The following SFXN1 variants were observed in gnomAD, a reference collection of about 807,000 sequenced individuals.
SFXN1 encodes sideroflexin-1.
In SFXN1, 32 loss-of-function variants were observed where a neutral mutation model predicts 39.5. The ratio of observed to expected loss-of-function variants is 0.81; its 90% CI spans 0.61 to 1.09. SFXN1 has a LOEUF of 1.09. Ranked by LOEUF, SFXN1 falls within the 50% of genes least tolerant of loss-of-function variation. The probability of loss-of-function intolerance (pLI) is 0.00; values close to 1 mark genes in which losing one functional copy is unlikely to be tolerated. For missense variants in SFXN1, 402 were observed against 407.1 expected, an observed-to-expected ratio of 0.99 and a Z score of 0.11; for synonymous variants, 136 against 146.5, an observed-to-expected ratio of 0.93 and a Z score of 0.52.
chr5:175,494,560 C>T (rs1759784521), intron 2 of SFXN1, among the ~76,000 whole-genome samples: 1 of 151,796 alleles, frequency 6.6e-6, no homozygotes, highest in Non-Finnish European at 1.5e-5. Flanking sequence ...CCAGCCTGGC[C>T]GACATGGTAA....
chr5:175,479,780 C>T lies in SFXN1; in HGVS notation c.-10+1141C>T, dbSNP rs73339404. ...GCTCCGTAGGCAACTCTTTTCTGCG[C>T]CCCCATAGCTTTTTCCCTGCACATT... On this transcript the variant is annotated intron_variant, in intron 1 of 10. Transcript: ENST00000321442. Among the ~76,000 whole-genome samples the T allele has an allele frequency of 2.2e-3, 334 of 152,282 alleles. 1 individual carries two copies. The highest frequency in any genetic ancestry group is 7.7e-3 in the African/African-American group (318 of 41,556).
intron 2 of SFXN1, among the ~76,000 whole-genome samples, chr5:175,500,937 A>T (rs1760052447): frequency 6.6e-6 from 1 of 152,198 alleles, no homozygotes; most frequent in East Asian, 1.9e-4. Context: ...ATGGATCTTG[A>T]TGCTTAACTC....
intron 1 of SFXN1, among the ~76,000 whole-genome samples, chr5:175,485,218 T>G (rs1759405821): frequency 1.3e-5 from 2 of 152,268 alleles, no homozygotes. Context: ...AAATCCCTTT[T>G]AAGTAGAGGA....
At chr5:175,495,767 C>T (rs67027347) in intron 2 of SFXN1, among the ~76,000 whole-genome samples, 28,326 of 150,200 alleles carry the variant, frequency 0.19, 2,922 homozygotes, top group South Asian at 0.35. Flanking sequence ...TTTTATGTTA[C>T]GAATCTTTTA....
intron 6 of SFXN1, 21 bp downstream of exon 6, chr5:175,512,217 TA>T: frequency 6.3e-7 from 1 of 1,599,532 alleles, no homozygotes; most frequent in Non-Finnish European, 8.6e-7. Flanking sequence ...TATGCACTCT[TA>T]GTAGGGACAT....
intron 4 of SFXN1, 62 bp from the exon 5 acceptor site, chr5:175,511,389 T>C: frequency 8.4e-7 from 1 of 1,196,334 alleles, no homozygotes; most frequent in Non-Finnish European, 1.2e-6. Flanking sequence ...CTTCAAATAA[T>C]GTTGCACCAG....
intron 3 of SFXN1, chr5:175,509,445 T>G (rs935465252): frequency 7.0e-6 from 2 of 286,134 alleles, no homozygotes; most frequent in Non-Finnish European, 1.3e-5. Flanking sequence ...AAATGGGGTA[T>G]TATTGATGTA....
chr5:175,505,822 C>A (rs573011200), intron 2 of SFXN1, among the ~76,000 whole-genome samples: 6 of 152,154 alleles, frequency 3.9e-5, no homozygotes, highest in African/African-American at 1.4e-4. Flanking sequence ...TTCACATTTT[C>A]TTTTCTTTTC....
intron 2 of SFXN1, among the ~76,000 whole-genome samples, chr5:175,504,764 T>C (rs930898681): frequency 6.6e-6 from 1 of 152,076 alleles, no homozygotes; most frequent in Non-Finnish European, 1.5e-5. Flanking sequence ...AGTCTTGCTC[T>C]GTCGCCCAGG....
chr5:175,507,255 A>G (rs1760341810), intron 2 of SFXN1, among the ~76,000 whole-genome samples: 1 of 152,166 alleles, frequency 6.6e-6, no homozygotes, highest in South Asian at 2.1e-4. Flanking sequence ...CTAATCCAGT[A>G]TGCCGTTTGG....
At chr5:175,523,307 A>G (rs1440958734) in intron 10 of SFXN1, 3 of 152,174 alleles carry the variant, frequency 2.0e-5, no homozygotes, top group African/African-American at 7.2e-5. Context: ...CCCCTTGAAG[A>G]GGGCAGGACC....
At position 175,492,161 on chromosome 5, in the gene SFXN1, A is replaced by C. The variant is rs1380916895; in HGVS notation, c.58A>C (p.Thr20Pro). 6.2e-7 allele frequency: 1 copy of C among 1,613,978 alleles called. No individual in the cohort carries two copies. The change falls in exon 2 of 11, where the codon ACT (threonine) becomes CCT (proline). Residue 20 changes from threonine to proline, a missense_variant. Coordinates refer to ENST00000321442, the MANE Select transcript of SFXN1 (RefSeq NM_022754.7). The stretch of plus-strand genomic sequence containing the variant: ...CAAGGAACCTCGATGGGATCAAAGC[A>C]CTTTCATTGGACGAGCCAATCATTT... ...NIKEPRWDQS[T>P]FIGRANHFFT...
At chr5:175,511,558 GTTTAA>G (rs1483818739) in intron 5 of SFXN1, 32 bp downstream of exon 5, 7 of 1,548,112 alleles carry the variant, frequency 4.5e-6, no homozygotes, top group Admixed American at 1.7e-5. Context: ...TAATAAAGCT[GTTTAA>G]TTTGTTATCA....
chr5:175,494,786 C>G (rs577769715), intron 2 of SFXN1, among the ~76,000 whole-genome samples: 1 of 151,254 alleles, frequency 6.6e-6, no homozygotes, highest in Non-Finnish European at 1.5e-5. Context: ...GTAAAATATG[C>G]AAGTGCATCA....
At chr5:175,526,529 A>T (rs1345717047) in intron 10 of SFXN1, 109 bp from the exon 11 acceptor site, 2 of 778,474 alleles carry the variant, frequency 2.6e-6, no homozygotes, top group Non-Finnish European at 2.2e-6. Context: ...AACAAGACCC[A>T]CTGTACCAGT....
chr5:175,516,717 T>C, intron 8 of SFXN1, 54 bp downstream of exon 8: 1 of 1,572,578 alleles, frequency 6.4e-7, no homozygotes. Context: ...CTTTTCAGAT[T>C]TCAAACCGTA....
intron 1 of SFXN1, among the ~76,000 whole-genome samples, chr5:175,479,323 C>T (rs1210993900): frequency 6.6e-6 from 1 of 152,174 alleles, no homozygotes; most frequent in Non-Finnish European, 1.5e-5. Flanking sequence ...TCTTCCGGCC[C>T]TGCGAGGTAC....
intron 8 of SFXN1, among the ~76,000 whole-genome samples, chr5:175,518,754 C>T (rs1258013133): frequency 6.6e-6 from 1 of 152,162 alleles, no homozygotes; most frequent in Non-Finnish European, 1.5e-5. Flanking sequence ...TAAAAATTAG[C>T]TCTCAGTGAT....
At chr5:175,505,634 A>G (rs959484804) in intron 2 of SFXN1, among the ~76,000 whole-genome samples, 2 of 151,798 alleles carry the variant, frequency 1.3e-5, no homozygotes, top group African/African-American at 2.4e-5. Flanking sequence ...AAAAAGAAGA[A>G]TAGCGTGTGG....
Sources: allele counts gnomAD v4.1 joint callset (sites outside exome capture counted in the v4.1 genomes callset), GRCh38; gene constraint gnomAD v4.1.1; transcripts MANE v1.5; gene names NCBI Gene and HGNC (gene_info 2026-07-23, HGNC 2026-07-21).